Variants in ARHGEF26 observed in about 807,000 individuals in gnomAD.
The protein encoded by ARHGEF26 is Rho guanine nucleotide exchange factor (GEF) 26.
ARHGEF26 carries 59 observed loss-of-function variants against 89.4 expected under a neutral mutation model. The observed-to-expected ratio is 0.66, with a 90% CI of 0.54 to 0.82. The LOEUF is 0.82. Ranked by LOEUF, ARHGEF26 falls within the 40% of genes least tolerant of loss-of-function variation. ARHGEF26 has a pLI of 0.00. For missense variants in ARHGEF26, 1,234 were observed against 1,085.6 expected, an observed-to-expected ratio of 1.14 and a Z score of -1.92; for synonymous variants, 500 against 428.4, an observed-to-expected ratio of 1.17 and a Z score of -2.06.
At chr3:154,145,556 A>G (rs1486398360) in intron 4 of ARHGEF26, among the ~76,000 whole-genome samples, 1 of 152,028 alleles carries the variant, frequency 6.6e-6, no homozygotes, top group Non-Finnish European at 1.5e-5. Context: ...TACATTTTTG[A>G]GTCTTTTTGG....
chr3:154,214,469 G>A (rs1715594234), intron 9 of ARHGEF26, among the ~76,000 whole-genome samples: 1 of 152,022 alleles, frequency 6.6e-6, no homozygotes, highest in African/African-American at 2.4e-5. Flanking sequence ...CAGAGGGAGG[G>A]GTCTGAGTGG....
intron 10 of ARHGEF26, among the ~76,000 whole-genome samples, chr3:154,223,568 C>G (rs531532109): frequency 6.6e-6 from 1 of 152,188 alleles, no homozygotes; most frequent in African/African-American, 2.4e-5. Context: ...AAATGTTATG[C>G]TAGGTGAGAG....
chr3:154,189,334 ATTTTTTTT>A (rs35633646), intron 7 of ARHGEF26, among the ~76,000 whole-genome samples: 3 of 112,270 alleles, frequency 2.7e-5, no homozygotes, highest in Admixed American at 1.1e-4. Context: ...AGTTGATGTG[ATTTTTTTT>A]TTTTTTTTTT....
intron 4 of ARHGEF26, among the ~76,000 whole-genome samples, chr3:154,133,545 C>T (rs1718814199): frequency 6.6e-6 from 1 of 151,496 alleles, no homozygotes. Context: ...TTTCTGGGCT[C>T]TTTTTTCTGT....
intron 11 of ARHGEF26, among the ~76,000 whole-genome samples, chr3:154,227,389 G>A (rs374897553): frequency 6.6e-6 from 1 of 150,804 alleles, no homozygotes; most frequent in African/African-American, 2.4e-5. Context: ...TCCGCCTCCC[G>A]GGTTCACGCC....
At chr3:154,152,292 G>A (rs1205581789) in intron 5 of ARHGEF26, among the ~76,000 whole-genome samples, 1 of 152,170 alleles carries the variant, frequency 6.6e-6, no homozygotes, top group Non-Finnish European at 1.5e-5. Context: ...ATAGGGAGAG[G>A]AAGAGTGTGA....
At chr3:154,168,705 A>T (rs1335807924) in intron 6 of ARHGEF26, among the ~76,000 whole-genome samples, 1 of 152,204 alleles carries the variant, frequency 6.6e-6, no homozygotes, top group Non-Finnish European at 1.5e-5. Flanking sequence ...GTATTATATT[A>T]GTTGTCTTGT....
At chr3:154,199,057 TA>T (rs1332060745) in intron 9 of ARHGEF26, among the ~76,000 whole-genome samples, 1 of 152,048 alleles carries the variant, frequency 6.6e-6, no homozygotes, top group Non-Finnish European at 1.5e-5. Context: ...TCCTTTGAGT[TA>T]AAAATAATTC....
At chr3:154,166,892 A>G (rs1712076438) in intron 6 of ARHGEF26, among the ~76,000 whole-genome samples, 1 of 152,204 alleles carries the variant, frequency 6.6e-6, no homozygotes, top group African/African-American at 2.4e-5. Context: ...TTTGGGGCGT[A>G]GCTTCCAGAG....
intron 9 of ARHGEF26, among the ~76,000 whole-genome samples, chr3:154,207,087 C>T (rs1394457756): frequency 6.6e-6 from 1 of 152,162 alleles, no homozygotes; most frequent in Non-Finnish European, 1.5e-5. Context: ...GGATTCCTTT[C>T]TTATACCATA....
intron 6 of ARHGEF26, among the ~76,000 whole-genome samples, chr3:154,155,519 A>G (rs1388413870): frequency 6.6e-6 from 1 of 152,042 alleles, no homozygotes; most frequent in Non-Finnish European, 1.5e-5. Context: ...AAGTTAATAC[A>G]AGTAGAAATG....
intron 9 of ARHGEF26, among the ~76,000 whole-genome samples, chr3:154,202,655 G>C (rs1419357213): frequency 6.6e-6 from 1 of 151,998 alleles, no homozygotes; most frequent in Admixed American, 6.6e-5. Flanking sequence ...TCTTCCATTT[G>C]TTTGTATCCT....
chr3:154,254,641 A>G (rs1718365862), intron 13 of ARHGEF26, 79 bp from the exon 14 acceptor site: 1 of 1,104,806 alleles, frequency 9.1e-7, no homozygotes, highest in Non-Finnish European at 1.3e-6. Flanking sequence ...GCAGAGAAAA[A>G]TAAGTAAGTG....
chr3:154,174,428 T>C (rs1366724184), intron 6 of ARHGEF26, among the ~76,000 whole-genome samples: 2 of 152,230 alleles, frequency 1.3e-5, no homozygotes, highest in African/African-American at 4.8e-5. Flanking sequence ...CTGAATTAGC[T>C]TGATACAATG....
At chr3:154,228,252 C>G (rs1716611735) in intron 11 of ARHGEF26, among the ~76,000 whole-genome samples, 1 of 151,832 alleles carries the variant, frequency 6.6e-6, no homozygotes, top group Non-Finnish European at 1.5e-5. Context: ...ATTCTCCTGC[C>G]TCAGCCTCCT....
chr3:154,254,074 C>T (rs1241116854), intron 13 of ARHGEF26, among the ~76,000 whole-genome samples: 1 of 150,738 alleles, frequency 6.6e-6, no homozygotes, highest in Non-Finnish European at 1.5e-5. Context: ...CGCCACCATG[C>T]CCAGCTAATT....
chr3:154,226,660 TACACACACACACACAC>T (rs3029724), intron 11 of ARHGEF26, among the ~76,000 whole-genome samples: 15 of 148,160 alleles, frequency 1.0e-4, no homozygotes, highest in African/African-American at 2.5e-4. Flanking sequence ...GTTTCTGTTC[TACACACACACACACAC>T]ACACACACAC....
At chr3:154,217,760 G>A in intron 9 of ARHGEF26, 109 bp from the exon 10 acceptor site, 1 of 786,884 alleles carries the variant, frequency 1.3e-6, no homozygotes. Flanking sequence ...TGTCAGAAAT[G>A]AATCTCTAGG....
intron 2 of ARHGEF26, 99 bp downstream of exon 2, chr3:154,123,174 TC>T (rs1255746602): frequency 6.6e-5 from 98 of 1,494,374 alleles, no homozygotes; most frequent in Middle Eastern, 5.4e-4. Flanking sequence ...AAGAAGTCAT[TC>T]CGTTTTAATT....
Sources: allele counts gnomAD v4.1 joint callset (sites outside exome capture counted in the v4.1 genomes callset), GRCh38; gene constraint gnomAD v4.1.1; transcripts MANE v1.5; gene names NCBI Gene and HGNC (gene_info 2026-07-23, HGNC 2026-07-21).